COL24A1: variants seen among roughly 807,000 people sequenced by gnomAD.
COL24A1 encodes collagen type XXIV alpha 1 chain.
In COL24A1, 224 loss-of-function variants were observed where a neutral mutation model predicts 253.9. The ratio of observed to expected loss-of-function variants is 0.88; its 90% confidence interval spans 0.79 to 0.99. The LOEUF is 0.99. Ranked by LOEUF, COL24A1 falls within the 50% of genes least tolerant of loss-of-function variation. COL24A1 has a pLI of 0.00. For synonymous variants in COL24A1, 685 were observed against 673.7 expected (o/e 1.02, Z -0.26); for missense variants, 2,131 against 2,068.5 (o/e 1.03, Z -0.59).
intron 47 of COL24A1, among the ~76,000 whole-genome samples, chr1:85,795,191 T>C (rs1670680226): frequency 6.6e-6 from 1 of 152,176 alleles, no homozygotes; most frequent in Non-Finnish European, 1.5e-5. Flanking sequence ...AAGGAAGAAA[T>C]TGTTTTAGTG....
chr1:86,017,524 T>C (rs555277), intron 18 of COL24A1, among the ~76,000 whole-genome samples: 1,569 of 152,258 alleles, frequency 0.01, 39 homozygotes, highest in African/African-American at 0.035. Flanking sequence ...CTCAACAAGA[T>C]AGGGAATTCT....
chr1:85,888,698 A>C (rs1682787496), intron 32 of COL24A1, among the ~76,000 whole-genome samples: 1 of 152,104 alleles, frequency 6.6e-6, no homozygotes, highest in Admixed American at 6.5e-5. Context: ...AGAACTATAA[A>C]TACTGTCAAA....
At position 85,836,083 on chromosome 1, in the gene COL24A1, C is replaced by T. The variant is rs997874959; in HGVS notation, c.3681+2502G>A. Among the ~76,000 whole-genome samples, 20 of 152,330 alleles carry T rather than the reference C, an allele frequency of 1.3e-4. 1 individual carries two copies. The highest frequency in any genetic ancestry group is 1.3e-3 in the Admixed American group (20 of 15,294). ...GCTAAGTTTTCCCCAGTTTACTAAT[C>T]TTAACCCATACCTTTGCCCTATCAC... On this transcript the variant is annotated intron_variant, in intron 43 of 59. Transcript: ENST00000370571.
At chr1:85,858,743 C>CTTCTT (rs937224650) in intron 37 of COL24A1, among the ~76,000 whole-genome samples, 99 of 147,378 alleles carry the variant, frequency 6.7e-4, no homozygotes, top group African/African-American at 1.9e-3. Flanking sequence ...CTTTCCTTTC[C>CTTCTT]TTCTTTTCTT....
chr1:86,090,200 A>G (rs907064159), intron 6 of COL24A1, among the ~76,000 whole-genome samples: 4 of 152,190 alleles, frequency 2.6e-5, no homozygotes, highest in African/African-American at 9.6e-5. Flanking sequence ...ATAAAACTGC[A>G]CAAGGAAAGA....
At chr1:85,848,967 T>G (rs1677454537) in intron 38 of COL24A1, among the ~76,000 whole-genome samples, 1 of 152,174 alleles carries the variant, frequency 6.6e-6, no homozygotes, top group Non-Finnish European at 1.5e-5. Flanking sequence ...AAAAACACAT[T>G]GACAACAAAT....
At chr1:85,955,603 G>T (rs1347797872) in intron 24 of COL24A1, among the ~76,000 whole-genome samples, 2 of 152,242 alleles carry the variant, frequency 1.3e-5, no homozygotes, top group African/African-American at 4.8e-5. Context: ...TCCCCTAGGG[G>T]TTTGACAGCG....
intron 42 of COL24A1, among the ~76,000 whole-genome samples, chr1:85,839,481 T>C (rs1676372839): frequency 6.6e-6 from 1 of 151,914 alleles, no homozygotes. Flanking sequence ...CCCAGCACTG[T>C]GGGAGGCTGA....
chr1:85,943,587 A>C (rs1688956051), intron 24 of COL24A1, among the ~76,000 whole-genome samples: 1 of 152,242 alleles, frequency 6.6e-6, no homozygotes, highest in South Asian at 2.1e-4. Flanking sequence ...GAAAAGTTTA[A>C]AAGTTAATTA....
At chr1:86,104,529 T>C (rs748125564) in intron 5 of COL24A1, among the ~76,000 whole-genome samples, 88 of 152,210 alleles carry the variant, frequency 5.8e-4, no homozygotes, top group Non-Finnish European at 1.1e-3. Context: ...GTCTTTGAAA[T>C]TGATGTCCTT....
intron 47 of COL24A1, among the ~76,000 whole-genome samples, chr1:85,800,453 T>C (rs1396501484): frequency 6.6e-6 from 1 of 152,198 alleles, no homozygotes; most frequent in Non-Finnish European, 1.5e-5. Context: ...TAGATCTGCA[T>C]ATTAGTCAGA....
chr1:85,940,053 G>A (rs992094032), intron 24 of COL24A1, among the ~76,000 whole-genome samples: 10 of 152,024 alleles, frequency 6.6e-5, no homozygotes, highest in Non-Finnish European at 1.3e-4. Flanking sequence ...CAAACACTGG[G>A]GATGAATTGA....
chr1:86,086,452 C>T (rs917546102), intron 7 of COL24A1, among the ~76,000 whole-genome samples: 3 of 152,132 alleles, frequency 2.0e-5, no homozygotes, highest in Non-Finnish European at 4.4e-5. Context: ...GCTACTGAGA[C>T]ACTCATAAAT....
chr1:85,774,076 T>C (rs1668268664), intron 53 of COL24A1, among the ~76,000 whole-genome samples: 1 of 152,174 alleles, frequency 6.6e-6, no homozygotes, highest in African/African-American at 2.4e-5. Flanking sequence ...AGTTTTGGCA[T>C]GAAAGGCTGT....
chr1:85,881,216 A>C lies in COL24A1; in HGVS notation c.2977-4041T>G, dbSNP rs567179555. ...TAGTGATTGATTCTATTTCTTTATCAATACAGGTTGAGGAAGATATTGATG... is the reference window on the plus strand; with the variant it reads ...TAGTGATTGATTCTATTTCTTTATCCATACAGGTTGAGGAAGATATTGATG... On this transcript the variant is annotated intron_variant, in intron 32 of 59. Coordinates refer to ENST00000370571, the MANE Select transcript of COL24A1 (RefSeq NM_152890.7). Among the ~76,000 whole-genome samples, 4 of 151,468 alleles carry C rather than the reference A, an allele frequency of 2.6e-5. No individual in the cohort carries two copies. In the South Asian group the frequency reaches 8.4e-4, roughly 32 times the overall value.
chr1:86,057,710 G>A (rs1700766934), intron 10 of COL24A1, among the ~76,000 whole-genome samples: 1 of 152,122 alleles, frequency 6.6e-6, no homozygotes, highest in African/African-American at 2.4e-5. Flanking sequence ...CAGACATTAT[G>A]CTATGGAAAT....
chr1:85,873,142 C>G (rs1435732074), intron 35 of COL24A1, among the ~76,000 whole-genome samples: 1 of 152,192 alleles, frequency 6.6e-6, no homozygotes, highest in Admixed American at 6.5e-5. Flanking sequence ...GAGATACCAT[C>G]TCACACCAGT....
intron 43 of COL24A1, among the ~76,000 whole-genome samples, chr1:85,834,220 AGTGGCTGACT>A (rs1478969349): frequency 6.6e-6 from 1 of 152,106 alleles, no homozygotes; most frequent in Non-Finnish European, 1.5e-5. Context: ...AATCAAAAGA[AGTGGCTGACT>A]GTGAGACATG....
chr1:85,817,121 C>G (rs1190111858), intron 46 of COL24A1, among the ~76,000 whole-genome samples: 1 of 152,128 alleles, frequency 6.6e-6, no homozygotes, highest in East Asian at 1.9e-4. Context: ...CCAAGCTGAT[C>G]AGCAATTTAC....
Sources: gnomAD v4.1 joint callset for allele counts (sites outside exome capture counted in the v4.1 genomes callset) on GRCh38, gnomAD v4.1.1 for gene constraint, MANE v1.5 for transcripts, NCBI Gene and HGNC (gene_info 2026-07-23, HGNC 2026-07-21) for gene names.